The following THSD7B variants were observed in gnomAD, a reference collection of about 807,000 sequenced individuals.
THSD7B encodes the protein thrombospondin type 1 domain containing 7B.
A neutral mutation model predicts 213.6 loss-of-function variants in THSD7B; 138 were observed. That is an observed-to-expected ratio of 0.65 (90% confidence interval 0.56 to 0.74). The LOEUF (loss-of-function observed/expected upper bound fraction) is 0.74, where lower values mean the gene tolerates loss of function less well. Ranked by LOEUF, THSD7B falls within the 30% of genes least tolerant of loss-of-function variation. The pLI is 0.00. For missense variants in THSD7B, 1,931 were observed against 1,991.5 expected (o/e 0.97, Z 0.58); for synonymous variants, 742 against 687.0 (o/e 1.08, Z -1.25).
intron 2 of THSD7B, among the ~76,000 whole-genome samples, chr2:136,963,236 T>G (rs7591845): frequency 0.072 from 11,030 of 152,198 alleles, 639 homozygotes; most frequent in African/African-American, 0.15. Context: ...ATCTTATTTT[T>G]CAGTTGAGAG....
At chr2:137,408,479 T>C (rs1358149307) in intron 13 of THSD7B, among the ~76,000 whole-genome samples, 1 of 152,210 alleles carries the variant, frequency 6.6e-6, no homozygotes, top group African/African-American at 2.4e-5. Flanking sequence ...GCTTGCGATC[T>C]AATTGGAGAT....
intron 10 of THSD7B, among the ~76,000 whole-genome samples, chr2:137,265,236 G>A (rs2105087176): frequency 6.6e-6 from 1 of 152,272 alleles, no homozygotes; most frequent in Non-Finnish European, 1.5e-5. Context: ...CTGGCCATCA[G>A]AGAAATGCAA....
intron 2 of THSD7B, among the ~76,000 whole-genome samples, chr2:136,957,802 C>T (rs569616228): frequency 4.6e-5 from 7 of 152,118 alleles, no homozygotes; most frequent in Non-Finnish European, 8.8e-5. Context: ...AAATGTTAAC[C>T]TGATAATAGT....
intron 2 of THSD7B, among the ~76,000 whole-genome samples, chr2:136,903,823 C>G (rs1442452119): frequency 1.3e-5 from 2 of 152,164 alleles, no homozygotes; most frequent in Non-Finnish European, 2.9e-5. Flanking sequence ...ACTCCCAGCA[C>G]AGTGGCCAGG....
rs750360906 is a variant in THSD7B, at chr2:137,676,515, C to A, written c.4740-9C>A. ...TTACTTGATCTGAGGAATTTTTTTC[C>A]CTTTGCAGCAAGAAGCCAAAACCAC... On this transcript the variant is annotated splice_polypyrimidine_tract_variant and intron_variant, in intron 27 of 27. Transcript: ENST00000409968. 9 of 1,581,410 alleles carry A rather than the reference C, an allele frequency of 5.7e-6. No homozygotes were observed. In the African/African-American group the frequency reaches 9.5e-5, roughly 17 times the overall value.
chr2:137,247,695 G>T (rs1682071257), intron 10 of THSD7B, among the ~76,000 whole-genome samples: 1 of 152,086 alleles, frequency 6.6e-6, no homozygotes, highest in Non-Finnish European at 1.5e-5. Context: ...GAATTGGTAG[G>T]AAACCTCATT....
chr2:137,258,348 T>A (rs1573916275), intron 10 of THSD7B, among the ~76,000 whole-genome samples: 1 of 152,266 alleles, frequency 6.6e-6, no homozygotes, highest in South Asian at 2.1e-4. Flanking sequence ...CAATTCTGTG[T>A]GTGTGTTTAT....
At chr2:137,035,448 C>T (rs1686758064) in intron 2 of THSD7B, among the ~76,000 whole-genome samples, 1 of 151,934 alleles carries the variant, frequency 6.6e-6, no homozygotes, top group Non-Finnish European at 1.5e-5. Context: ...GGGTGAGGTT[C>T]TAGATAAGAG....
intron 17 of THSD7B, among the ~76,000 whole-genome samples, chr2:137,582,803 T>G (rs901704039): frequency 6.6e-6 from 1 of 152,170 alleles, no homozygotes; most frequent in Non-Finnish European, 1.5e-5. Flanking sequence ...TAAACATACG[T>G]GTGCATGTGT....
In THSD7B at chr2:137,056,944, G is replaced by A; in HGVS notation, c.664G>A (p.Glu222Lys). The change falls in exon 3 of 28, where the codon GAG becomes AAG. Residue 222 changes from glutamate to lysine, a missense_variant. Coordinates refer to ENST00000409968, the MANE Select transcript of THSD7B (RefSeq NM_001316349.2). ...TGGTTTGCAATGTCCAAATCTGACT[G>A]AGTCAAGAGCCTGTGATGCTCCCAT... ...FGGLQCPNLT[E>K]SRACDAPISC... is the part of the protein sequence containing the mutation. 5.0e-6 allele frequency: 8 copies of A among 1,613,960 alleles called. No individual in the cohort carries two copies. The highest frequency in any genetic ancestry group is 6.8e-6 in the Non-Finnish European group (8 of 1,179,868).
intron 17 of THSD7B, among the ~76,000 whole-genome samples, chr2:137,581,681 A>AC (rs1253593786): frequency 6.7e-6 from 1 of 149,014 alleles, no homozygotes; most frequent in African/African-American, 2.5e-5. Context: ...AATGGCGTGA[A>AC]CCCGGGAGGC....
chr2:137,402,961 A>G (rs1020434308), intron 12 of THSD7B, among the ~76,000 whole-genome samples: 1 of 152,176 alleles, frequency 6.6e-6, no homozygotes, highest in Admixed American at 6.5e-5. Context: ...TTAACTCTAA[A>G]TTGGTTATCT....
At chr2:136,931,065 A>G (rs1369114189) in intron 2 of THSD7B, among the ~76,000 whole-genome samples, 2 of 152,124 alleles carry the variant, frequency 1.3e-5, no homozygotes, top group Admixed American at 6.6e-5. Flanking sequence ...ACGAGGCCAT[A>G]AATATTTAAG....
At chr2:137,263,736 T>C (rs990527198) in intron 10 of THSD7B, among the ~76,000 whole-genome samples, 4 of 152,172 alleles carry the variant, frequency 2.6e-5, no homozygotes, top group African/African-American at 9.7e-5. Context: ...AGGTTTAGCC[T>C]GGGAGAGAAT....
intron 15 of THSD7B, among the ~76,000 whole-genome samples, chr2:137,517,814 A>G (rs751286169): frequency 6.6e-6 from 1 of 152,136 alleles, no homozygotes; most frequent in Non-Finnish European, 1.5e-5. Flanking sequence ...CCTCTAGGAT[A>G]TTGGAGCAAG....
chr2:137,149,137 A>G (rs1314410248), intron 5 of THSD7B, among the ~76,000 whole-genome samples: 1 of 152,222 alleles, frequency 6.6e-6, no homozygotes, highest in Admixed American at 6.5e-5. Context: ...TATACAGCTC[A>G]GGCTGTTGCT....
At chr2:137,349,913 A>G (rs543430257) in intron 12 of THSD7B, among the ~76,000 whole-genome samples, 1 of 151,818 alleles carries the variant, frequency 6.6e-6, no homozygotes. Context: ...AGGTGTGACA[A>G]TTGTTAATCG....
At chr2:136,956,601 CAAA>C (rs10676991) in intron 2 of THSD7B, among the ~76,000 whole-genome samples, 1 of 121,602 alleles carries the variant, frequency 8.2e-6, no homozygotes. Context: ...GACCCTGTCT[CAAA>C]AAAAAAAAAA....
rs569785344 is a variant in THSD7B, at chr2:137,263,483, G to C, written c.2267-9050G>C. ...GGGATTAGAAATCAGAGCCCTGAAGGTCTTGTCTGTTGCCAGATCCATTGA... is the reference window on the plus strand; with the variant it reads ...GGGATTAGAAATCAGAGCCCTGAAGCTCTTGTCTGTTGCCAGATCCATTGA... On this transcript the variant is annotated intron_variant, in intron 10 of 27. Coordinates refer to ENST00000409968, the MANE Select transcript of THSD7B (RefSeq NM_001316349.2). 3.3e-5 allele frequency among the ~76,000 whole-genome samples: 5 copies of C among 152,142 alleles called. No individual in the cohort carries two copies. The East Asian group carries it at 9.7e-4, about 29-fold the overall frequency.
Sources: gnomAD v4.1 joint callset for allele counts (sites outside exome capture counted in the v4.1 genomes callset) on GRCh38, gnomAD v4.1.1 for gene constraint, MANE v1.5 for transcripts, NCBI Gene and HGNC (gene_info 2026-07-23, HGNC 2026-07-21) for gene names.